DIAPH3: variants seen among roughly 807,000 people sequenced by gnomAD.
DIAPH3 encodes the protein protein diaphanous homolog 3.
A neutral mutation model predicts 144.3 loss-of-function variants in DIAPH3; 117 were observed. The observed-to-expected ratio is 0.81, with a 90% CI of 0.70 to 0.95. DIAPH3 has a LOEUF of 0.95. Among genes scored for constraint, DIAPH3 ranks in the 40% least tolerant of loss-of-function variants. The probability of loss-of-function intolerance (pLI) is 0.00; values close to 1 mark genes in which losing one functional copy is unlikely to be tolerated. For synonymous variants in DIAPH3, 519 were observed against 488.9 expected (o/e 1.06, Z -0.81); for missense variants, 1,421 against 1,412.7 (o/e 1.01, Z -0.09).
rs1013195064 is a variant in DIAPH3, at chr13:59,830,914, G to A, written c.3027+2193C>T. On this transcript the variant is annotated intron_variant, in intron 24 of 27. Transcript: ENST00000400324. ...GATCTCATTTGGAAACCCTCCAAAC[G>A]TCAGTATTCTAATTTGTGAAATGGA... is the stretch of plus-strand genomic sequence containing the variant. 7.2e-5 allele frequency among the ~76,000 whole-genome samples: 11 copies of A among 151,726 alleles called. 1 individual carries two copies. The highest frequency in any genetic ancestry group is 1.9e-4 in the African/African-American group (8 of 41,354).
chr13:60,117,411 A>G (rs1365872625), intron 2 of DIAPH3, among the ~76,000 whole-genome samples: 1 of 152,114 alleles, frequency 6.6e-6, no homozygotes, highest in Non-Finnish European at 1.5e-5. Context: ...GAATAAAAGA[A>G]AAAAATAAGG....
intron 13 of DIAPH3, 64 bp from the exon 14 acceptor site, chr13:59,980,923 G>T: frequency 1.5e-6 from 2 of 1,337,946 alleles, no homozygotes; most frequent in Non-Finnish European, 1.1e-6. Flanking sequence ...GACTTCAAAA[G>T]TTTAGAAAGA....
chr13:60,058,145 C>A (rs1566722447), intron 4 of DIAPH3, among the ~76,000 whole-genome samples: 1 of 149,184 alleles, frequency 6.7e-6, no homozygotes, highest in African/African-American at 2.5e-5. Context: ...ATGCATCTGA[C>A]AAAGAATTAA....
At chr13:59,773,654 G>T (rs1192683578) in intron 27 of DIAPH3, among the ~76,000 whole-genome samples, 1 of 151,980 alleles carries the variant, frequency 6.6e-6, no homozygotes, top group Admixed American at 6.6e-5. Flanking sequence ...ATTTTTGACA[G>T]GAGTCCATCT....
At chr13:60,043,760 A>G (rs910928721) in intron 4 of DIAPH3, among the ~76,000 whole-genome samples, 2 of 152,202 alleles carry the variant, frequency 1.3e-5, no homozygotes. Context: ...TGAACTTCCT[A>G]CCTACATGTA....
intron 4 of DIAPH3, among the ~76,000 whole-genome samples, chr13:60,082,024 T>C (rs929664718): frequency 4.0e-5 from 6 of 151,562 alleles, no homozygotes; most frequent in Non-Finnish European, 7.4e-5. Flanking sequence ...GACAAACCTA[T>C]AAATCAAATT....
intron 17 of DIAPH3, among the ~76,000 whole-genome samples, chr13:59,930,278 C>A (rs2047961511): frequency 6.6e-6 from 1 of 152,038 alleles, no homozygotes; most frequent in African/African-American, 2.4e-5. Flanking sequence ...TAGAGAAATT[C>A]CTTGCCTCAA....
intron 1 of DIAPH3, among the ~76,000 whole-genome samples, chr13:60,143,054 G>A (rs75144976): frequency 0.019 from 2,882 of 151,948 alleles, 84 homozygotes; most frequent in African/African-American, 0.064. Context: ...CACCTCATCC[G>A]GCCAGCCTTT....
chr13:60,001,668 A>G (rs927306211), intron 9 of DIAPH3, among the ~76,000 whole-genome samples: 6 of 152,234 alleles, frequency 3.9e-5, no homozygotes, highest in African/African-American at 1.4e-4. Flanking sequence ...TATGTGAAAG[A>G]CAGGCATTAA....
At chr13:59,782,277 G>C (rs1490974404) in intron 25 of DIAPH3, among the ~76,000 whole-genome samples, 1 of 152,202 alleles carries the variant, frequency 6.6e-6, no homozygotes, top group Non-Finnish European at 1.5e-5. Context: ...GGTAAAGGAA[G>C]AGGGGTAATC....
At chr13:59,811,521 A>G (rs932680233) in intron 24 of DIAPH3, among the ~76,000 whole-genome samples, 1 of 151,940 alleles carries the variant, frequency 6.6e-6, no homozygotes, top group South Asian at 2.1e-4. Flanking sequence ...GGCGGATCAT[A>G]AGGTCAGTAG....
chr13:59,911,656 CAT>C, intron 20 of DIAPH3, 77 bp downstream of exon 20: 1 of 1,055,816 alleles, frequency 9.5e-7, no homozygotes, highest in Non-Finnish European at 1.5e-6. Flanking sequence ...TGCTTTTTTA[CAT>C]TTAGCGATAT....
At chr13:60,139,999 T>A (rs2059391312) in intron 1 of DIAPH3, among the ~76,000 whole-genome samples, 1 of 152,150 alleles carries the variant, frequency 6.6e-6, no homozygotes, top group Non-Finnish European at 1.5e-5. Context: ...CCTTTTTCAT[T>A]GTCTGGAGAA....
intron 25 of DIAPH3, among the ~76,000 whole-genome samples, chr13:59,784,851 G>GCA (rs144477527): frequency 0.061 from 9,069 of 148,604 alleles, 364 homozygotes; most frequent in South Asian, 0.14. Context: ...ACACACGCGC[G>GCA]CACACACACA....
intron 22 of DIAPH3, among the ~76,000 whole-genome samples, chr13:59,852,138 A>G (rs796561744): frequency 1.3e-5 from 2 of 152,284 alleles, no homozygotes; most frequent in African/African-American, 4.8e-5. Context: ...GATAGCTGCC[A>G]AGAAGCCACC....
At chr13:59,825,352 C>A (rs867553110) in intron 24 of DIAPH3, among the ~76,000 whole-genome samples, 1 of 152,170 alleles carries the variant, frequency 6.6e-6, no homozygotes, top group African/African-American at 2.4e-5. Flanking sequence ...CATGTCCCTA[C>A]AAAGGATATG....
chr13:59,775,390 C>T (rs937749888), intron 25 of DIAPH3, among the ~76,000 whole-genome samples: 10 of 151,998 alleles, frequency 6.6e-5, no homozygotes, highest in African/African-American at 2.4e-4. Context: ...CTACAGGCGC[C>T]TGCCACCACG....
intron 12 of DIAPH3, among the ~76,000 whole-genome samples, chr13:59,986,753 T>C (rs1324019153): frequency 6.7e-6 from 1 of 149,094 alleles, no homozygotes; most frequent in African/African-American, 2.5e-5. Flanking sequence ...ATCAGAGAAA[T>C]GCAAATCAAA....
At position 59,941,854 on chromosome 13, in the gene DIAPH3, C is replaced by CAA. The variant is rs11420557; in HGVS notation, c.2075-16986_2075-16985dup. Among the ~76,000 whole-genome samples, 526 of 151,754 alleles carry CAA rather than the reference C, an allele frequency of 3.5e-3. 2 individuals are homozygous for CAA. The highest frequency in any genetic ancestry group is 0.011 in the African/African-American group (463 of 41,382). On this transcript the variant is annotated intron_variant, in intron 17 of 27. Transcript: ENST00000400324. ...AGAATAAGGCAGCAAAGAAGGATGG[C>CAA]AAAAAAAATCTATTTCTTCCCAATA...
Sources: allele counts gnomAD v4.1 joint callset (sites outside exome capture counted in the v4.1 genomes callset), GRCh38; gene constraint gnomAD v4.1.1; transcripts MANE v1.5; gene names NCBI Gene and HGNC (gene_info 2026-07-23, HGNC 2026-07-21).